The following CA10 variants were observed in gnomAD, a reference collection of about 807,000 sequenced individuals.
CA10 encodes carbonic anhydrase-related protein 10.
CA10 carries 14 observed loss-of-function variants against 44.2 expected under a neutral mutation model. The observed-to-expected ratio is 0.32, with a 90% CI of 0.21 to 0.50. The LOEUF is 0.50. Among genes scored for constraint, CA10 ranks in the 20% least tolerant of loss-of-function variants. CA10 has a pLI of 0.99. For missense variants in CA10, 350 were observed against 409.7 expected (o/e 0.85, Z 1.26); for synonymous variants, 159 against 141.6 (o/e 1.12, Z -0.87).
intron 5 of CA10, 86 bp from the exon 6 acceptor site, chr17:51,649,340 G>C: frequency 1.0e-6 from 1 of 986,076 alleles, no homozygotes; most frequent in Non-Finnish European, 1.6e-6. Flanking sequence ...TTCATTCATA[G>C]TTACTGAGTA....
chr17:52,127,731 T>G (rs1989150886), intron 1 of CA10, among the ~76,000 whole-genome samples: 1 of 152,160 alleles, frequency 6.6e-6, no homozygotes, highest in Non-Finnish European at 1.5e-5. Flanking sequence ...TTCACTAGAG[T>G]GAACTCCTTT....
chr17:52,107,309 C>A (rs1456866362), intron 1 of CA10, among the ~76,000 whole-genome samples: 1 of 152,116 alleles, frequency 6.6e-6, no homozygotes, highest in Non-Finnish European at 1.5e-5. Context: ...TCCAGGGTTC[C>A]TTTGAATTCC....
At chr17:51,779,263 C>T (rs879891061) in intron 3 of CA10, among the ~76,000 whole-genome samples, 38 of 152,100 alleles carry the variant, frequency 2.5e-4, no homozygotes, top group South Asian at 2.1e-4. Flanking sequence ...CCTACATCTT[C>T]CCAGATGGAA....
chr17:52,046,167 G>T (rs1336839351), intron 2 of CA10, among the ~76,000 whole-genome samples: 1 of 151,380 alleles, frequency 6.6e-6, no homozygotes, highest in Middle Eastern at 3.2e-3. Flanking sequence ...AAACTAGAAA[G>T]AGCAGAGAAA....
intron 2 of CA10, among the ~76,000 whole-genome samples, chr17:52,059,326 G>A (rs981426456): frequency 2.0e-5 from 3 of 152,086 alleles, no homozygotes; most frequent in African/African-American, 7.2e-5. Context: ...TCAATACCCT[G>A]ATTCTATAGG....
chr17:51,755,578 A>G (rs1905051411), intron 3 of CA10, among the ~76,000 whole-genome samples: 1 of 152,226 alleles, frequency 6.6e-6, no homozygotes, highest in Non-Finnish European at 1.5e-5. Context: ...TAACACTAAA[A>G]ATGGAGTAGC....
intron 2 of CA10, among the ~76,000 whole-genome samples, chr17:52,055,396 T>C (rs1302578636): frequency 6.7e-6 from 1 of 148,568 alleles, no homozygotes; most frequent in Non-Finnish European, 1.5e-5. Flanking sequence ...TTTCCAAAAC[T>C]ATAAAGTGAA....
intron 3 of CA10, among the ~76,000 whole-genome samples, chr17:51,878,171 A>G (rs1249693914): frequency 6.6e-6 from 1 of 151,188 alleles, no homozygotes; most frequent in African/African-American, 2.4e-5. Context: ...AAAAAAAGAA[A>G]AAGGAAAAAA....
intron 2 of CA10, among the ~76,000 whole-genome samples, chr17:52,000,253 G>T (rs996379): frequency 0.34 from 51,347 of 151,982 alleles, 10,416 homozygotes; most frequent in East Asian, 0.74. Flanking sequence ...CTGTGATGAA[G>T]ATGAAGGTTG....
chr17:51,667,809 C>T (rs1041205681), intron 4 of CA10, among the ~76,000 whole-genome samples: 1 of 152,130 alleles, frequency 6.6e-6, no homozygotes, highest in Non-Finnish European at 1.5e-5. Flanking sequence ...AGATGGTGCC[C>T]TTGTCCTAAG....
intron 3 of CA10, among the ~76,000 whole-genome samples, chr17:51,786,488 G>A (rs1289155431): frequency 2.6e-5 from 4 of 152,164 alleles, no homozygotes; most frequent in African/African-American, 9.7e-5. Context: ...GGAGGCAGAG[G>A]TTTTAGTGAG....
intron 4 of CA10, among the ~76,000 whole-genome samples, chr17:51,740,673 T>C (rs1335530029): frequency 6.6e-6 from 1 of 152,222 alleles, no homozygotes; most frequent in East Asian, 1.9e-4. Context: ...CTCTGACCTC[T>C]CCGACCTCCT....
At chr17:51,738,783 G>A (rs1285806890) in intron 4 of CA10, among the ~76,000 whole-genome samples, 3 of 152,178 alleles carry the variant, frequency 2.0e-5, no homozygotes, top group East Asian at 1.9e-4. Context: ...TTTGCTCTAT[G>A]AGGTGACTAA....
intron 7 of CA10, among the ~76,000 whole-genome samples, chr17:51,635,420 C>T (rs932742443): frequency 4.0e-5 from 6 of 151,556 alleles, no homozygotes; most frequent in African/African-American, 1.5e-4. Flanking sequence ...GGCTGAGGCA[C>T]AAGAATCGCT....
chr17:52,126,307 T>A (rs1272421395), intron 1 of CA10, among the ~76,000 whole-genome samples: 1 of 152,172 alleles, frequency 6.6e-6, no homozygotes, highest in African/African-American at 2.4e-5. Context: ...TGAAAACAGA[T>A]GAAGTATATG....
At chr17:51,741,523 T>C (rs550506428) in intron 4 of CA10, among the ~76,000 whole-genome samples, 1 of 152,280 alleles carries the variant, frequency 6.6e-6, no homozygotes, top group East Asian at 1.9e-4. Context: ...TTCTGTATAG[T>C]GAATGGAGGC....
chr17:52,080,435 G>A (rs1451443792), intron 1 of CA10, among the ~76,000 whole-genome samples: 1 of 151,060 alleles, frequency 6.6e-6, no homozygotes, highest in Non-Finnish European at 1.5e-5. Flanking sequence ...CTGGGTGACA[G>A]AGCGAGACTC....
At chr17:51,649,972 T>G (rs187586207) in intron 5 of CA10, among the ~76,000 whole-genome samples, 23 of 119,532 alleles carry the variant, frequency 1.9e-4, no homozygotes, top group Middle Eastern at 4.3e-3. Context: ...CATCCATCCA[T>G]CCAGCCAGCC....
chr17:51,727,948 T>C (rs1364699022), intron 4 of CA10, among the ~76,000 whole-genome samples: 4 of 152,136 alleles, frequency 2.6e-5, no homozygotes, highest in African/African-American at 7.2e-5. Context: ...TGCAGTGGCA[T>C]GATCATAGTT....
Sources: allele counts gnomAD v4.1 joint callset (sites outside exome capture counted in the v4.1 genomes callset), GRCh38; gene constraint gnomAD v4.1.1; transcripts MANE v1.5; gene names NCBI Gene and HGNC (gene_info 2026-07-23, HGNC 2026-07-21).